Variants in RAB27B observed in about 807,000 individuals in gnomAD.
RAB27B encodes RAB27B, member RAS oncogene family, also known as ras-related protein Rab-27B.
Under a neutral mutation model 24.6 loss-of-function variants are expected in RAB27B, and 15 were observed. The observed-to-expected ratio is 0.61, with a 90% CI of 0.41 to 0.94. The LOEUF (loss-of-function observed/expected upper bound fraction) is 0.94. RAB27B is among the 40% of genes least tolerant of loss of function. RAB27B has a pLI of 0.00. For missense variants in RAB27B, 261 were observed against 266.8 expected (o/e 0.98, Z 0.15); for synonymous variants, 105 against 92.5 (o/e 1.14, Z -0.78).
At chr18:54,853,447 A>G (rs751094045) in intron 1 of RAB27B, among the ~76,000 whole-genome samples, 1 of 152,136 alleles carries the variant, frequency 6.6e-6, no homozygotes, top group East Asian at 1.9e-4. Context: ...ATATATATAT[A>G]TATCCATGAA....
Position 54,784,954 on chromosome 18 carries a change from C to G in RAB27B, c.-20+66813C>G, listed in dbSNP as rs79115931. On this transcript the variant is annotated intron_variant, in intron 2 of 4. Transcript: ENST00000586570. ...GCTCCTCTCACTCAGGGTAGAAAGCCTACCATTACTTTGCCTACCTCTGCC... is the reference window on the plus strand; with the variant it reads ...GCTCCTCTCACTCAGGGTAGAAAGCGTACCATTACTTTGCCTACCTCTGCC... Among the ~76,000 whole-genome samples the G allele has an allele frequency of 2.6e-3, 396 of 152,278 alleles. 2 individuals are homozygous for G. The highest frequency in any genetic ancestry group is 9.0e-3 in the African/African-American group (372 of 41,552).
chr18:54,721,804 T>C (rs1470882481), intron 2 of RAB27B, among the ~76,000 whole-genome samples: 1 of 152,148 alleles, frequency 6.6e-6, no homozygotes, highest in Admixed American at 6.6e-5. Flanking sequence ...AGGAATGGCT[T>C]TGTGGCATTT....
At chr18:54,738,280 G>A (rs1299702405) in intron 2 of RAB27B, among the ~76,000 whole-genome samples, 1 of 152,134 alleles carries the variant, frequency 6.6e-6, no homozygotes, top group Non-Finnish European at 1.5e-5. Context: ...ATCACCCATT[G>A]ATATGGTTGG....
At chr18:54,822,155 C>T (rs1046702483) in intron 2 of RAB27B, among the ~76,000 whole-genome samples, 1 of 152,112 alleles carries the variant, frequency 6.6e-6, no homozygotes. Flanking sequence ...GTTATCTTAA[C>T]ATTGGAGTCC....
In RAB27B at chr18:54,861,340, A is replaced by G. The variant is rs576366246; in HGVS notation, c.-19-16227A>G. ...ACATTGTTTAGGAGTAGAAACTTCAATTTGCATATATACATTTAATATCCT... is the reference window on the plus strand; with the variant it reads ...ACATTGTTTAGGAGTAGAAACTTCAGTTTGCATATATACATTTAATATCCT... On this transcript the variant is annotated intron_variant, in intron 1 of 5. Coordinates refer to ENST00000262094, the MANE Select transcript of RAB27B (RefSeq NM_004163.4). Among the ~76,000 whole-genome samples, 9 of 152,344 alleles carry G rather than the reference A, an allele frequency of 5.9e-5. No individual in the cohort carries two copies. In the South Asian group the frequency reaches 1.9e-3, roughly 32 times the overall value.
At chr18:54,850,305 G>GTATATT (rs1911508989) in intron 1 of RAB27B, among the ~76,000 whole-genome samples, 1 of 117,074 alleles carries the variant, frequency 8.5e-6, no homozygotes, top group Non-Finnish European at 1.7e-5. Context: ...AAGTATACCT[G>GTATATT]TATATTTATT....
At chr18:54,733,312 C>T (rs1421013875) in intron 2 of RAB27B, among the ~76,000 whole-genome samples, 1 of 152,094 alleles carries the variant, frequency 6.6e-6, no homozygotes, top group Non-Finnish European at 1.5e-5. Context: ...CCTCTCAAAG[C>T]ACTGGGATTA....
intron 2 of RAB27B, among the ~76,000 whole-genome samples, chr18:54,723,249 T>C (rs1344923280): frequency 1.3e-5 from 2 of 152,230 alleles, no homozygotes; most frequent in Non-Finnish European, 2.9e-5. Flanking sequence ...GTGCTGCTAC[T>C]GTTTAAAATC....
chr18:54,795,727 T>G (rs1971040), intron 2 of RAB27B, among the ~76,000 whole-genome samples: 142,713 of 152,078 alleles, frequency 0.94, 67,661 homozygotes, highest in East Asian at 1. Context: ...TCAATTTCTA[T>G]GTATATCCTA....
chr18:54,853,888 G>T (rs1598962882), intron 1 of RAB27B, among the ~76,000 whole-genome samples: 1 of 151,818 alleles, frequency 6.6e-6, no homozygotes, highest in Non-Finnish European at 1.5e-5. Flanking sequence ...TCTATCATTT[G>T]TATTTTTTTG....
chr18:54,804,896 TTCTC>T (rs145922058), intron 2 of RAB27B, among the ~76,000 whole-genome samples: 24 of 18,238 alleles, frequency 1.3e-3, no homozygotes, highest in African/African-American at 2.3e-3. Flanking sequence ...TTCTTTCTCT[TTCTC>T]TCTCTCTTTC....
At chr18:54,781,105 C>A (rs1026204084) in intron 2 of RAB27B, among the ~76,000 whole-genome samples, 2 of 152,118 alleles carry the variant, frequency 1.3e-5, no homozygotes, top group African/African-American at 4.8e-5. Flanking sequence ...CTCTAAGGCC[C>A]AGTGACAGCC....
intron 2 of RAB27B, among the ~76,000 whole-genome samples, chr18:54,785,174 T>C (rs909896075): frequency 2.0e-5 from 3 of 152,194 alleles, no homozygotes; most frequent in Admixed American, 1.3e-4. Flanking sequence ...AAATCTCGGC[T>C]CACTGCAACC....
In RAB27B at chr18:54,894,728, A is replaced by G. The variant is rs1913502173; in HGVS notation, c.*5315A>G. 1 of 152,070 alleles carries G rather than the reference A, an allele frequency of 6.6e-6. No homozygotes were observed. 9.4% of individuals were successfully genotyped at this position (152,070 alleles called of 1,614,324 possible). ...AGGCTCAAAGGAGATATGTATAAGA[A>G]AGTGGTTTGTAAATTATGTTCCATT... On this transcript the variant is annotated 3_prime_UTR_variant, in exon 6 of 6. Coordinates refer to ENST00000262094, the MANE Select transcript of RAB27B (RefSeq NM_004163.4).
chr18:54,889,500 A>C lies in RAB27B; in HGVS notation c.*87A>C. 1 of 1,192,044 alleles carries C rather than the reference A, an allele frequency of 8.4e-7. No individual in the cohort carries two copies. The highest frequency in any genetic ancestry group is 1.2e-6 in the Non-Finnish European group (1 of 867,242). The allele number at this position is 1,192,044 out of a possible 1,614,324, so 73.8% of individuals were successfully genotyped here. A position where few individuals can be genotyped will look rare whatever the true frequency, so the allele number is the denominator to read the frequency against. ...AAACCACACAATTGTTGTTGAGTAA[A>C]CCACGCACAATGGCATGTCTTTCTT... On this transcript the variant is annotated 3_prime_UTR_variant, in exon 6 of 6. Transcript: ENST00000262094.
At chr18:54,758,267 T>A (rs2145045431) in intron 2 of RAB27B, among the ~76,000 whole-genome samples, 1 of 152,298 alleles carries the variant, frequency 6.6e-6, no homozygotes, top group Non-Finnish European at 1.5e-5. Context: ...TTCAGTAACT[T>A]CTCATTCATT....
At chr18:54,803,149 C>G (rs1215798013) in intron 2 of RAB27B, among the ~76,000 whole-genome samples, 1 of 152,084 alleles carries the variant, frequency 6.6e-6, no homozygotes, top group Non-Finnish European at 1.5e-5. Context: ...AGCATAGTTT[C>G]ACATAGTGAT....
intron 2 of RAB27B, among the ~76,000 whole-genome samples, chr18:54,808,783 A>G (rs1452998161): frequency 6.6e-6 from 1 of 152,246 alleles, no homozygotes; most frequent in African/African-American, 2.4e-5. Context: ...AAGACTCCCC[A>G]TATCACTAAA....
intron 2 of RAB27B, among the ~76,000 whole-genome samples, chr18:54,786,534 C>A (rs1254279560): frequency 5.3e-5 from 8 of 152,176 alleles, no homozygotes; most frequent in Non-Finnish European, 1.0e-4. Context: ...GCATGTCTTT[C>A]AATACTTAAT....
Sources: gnomAD v4.1 joint callset for allele counts (sites outside exome capture counted in the v4.1 genomes callset) on GRCh38, gnomAD v4.1.1 for gene constraint, MANE v1.5 for transcripts, NCBI Gene and HGNC (gene_info 2026-07-23, HGNC 2026-07-21) for gene names.